The following GRM1 variants were observed in gnomAD, a reference collection of about 807,000 sequenced individuals.
GRM1 encodes metabotropic glutamate receptor 1.
Under a neutral mutation model 90.9 loss-of-function variants are expected in GRM1, and 33 were observed. The observed-to-expected ratio is 0.36, with a 90% CI of 0.28 to 0.49. GRM1 has a LOEUF of 0.49. Among genes scored for constraint, GRM1 ranks in the 20% least tolerant of loss-of-function variants. The pLI is 0.99. For synonymous variants in GRM1, 700 were observed against 613.2 expected, an observed-to-expected ratio of 1.14 and a Z score of -2.09; for missense variants, 1,190 against 1,534.3, an observed-to-expected ratio of 0.78 and a Z score of 3.75.
At chr6:146,358,262 T>TGACATCA (rs1444994323) in intron 5 of GRM1, among the ~76,000 whole-genome samples, 5 of 152,146 alleles carry the variant, frequency 3.3e-5, no homozygotes, top group African/African-American at 4.8e-5. Flanking sequence ...TGAGTAACTA[T>TGACATCA]GACATCAGTA....
At chr6:146,082,220 A>C (rs1393637932) in intron 1 of GRM1, among the ~76,000 whole-genome samples, 2 of 152,092 alleles carry the variant, frequency 1.3e-5, no homozygotes, top group African/African-American at 4.8e-5. Context: ...TGGTGGTGCA[A>C]CCTCGGCTCA....
chr6:146,281,122 A>G (rs984446481), intron 2 of GRM1, among the ~76,000 whole-genome samples: 25 of 152,172 alleles, frequency 1.6e-4, no homozygotes, highest in African/African-American at 5.3e-4. Flanking sequence ...ATTTGGAAGA[A>G]TTATTTTCTC....
chr6:146,289,333 A>G (rs1039201639), intron 2 of GRM1, among the ~76,000 whole-genome samples: 3 of 152,222 alleles, frequency 2.0e-5, no homozygotes, highest in Non-Finnish European at 4.4e-5. Context: ...TTTAACAAAA[A>G]AGATTAAAAA....
intron 1 of GRM1, among the ~76,000 whole-genome samples, chr6:146,121,296 T>C (rs1011860699): frequency 6.6e-6 from 1 of 152,232 alleles, no homozygotes; most frequent in Admixed American, 6.5e-5. Flanking sequence ...CCCTTTATCA[T>C]TTTTTATTGC....
chr6:146,161,817 AT>A, intron 2 of GRM1, among the ~76,000 whole-genome samples: 1 of 152,160 alleles, frequency 6.6e-6, no homozygotes, highest in Non-Finnish European at 1.5e-5. Flanking sequence ...AGCCTTTAAA[AT>A]TTTTTGGCTC....
At chr6:146,183,902 A>G (rs1778632848) in intron 2 of GRM1, among the ~76,000 whole-genome samples, 1 of 152,214 alleles carries the variant, frequency 6.6e-6, no homozygotes, top group African/African-American at 2.4e-5. Context: ...AGATAGGAAC[A>G]CAGCTGAAAA....
intron 7 of GRM1, among the ~76,000 whole-genome samples, chr6:146,402,298 A>AC (rs1209046559): frequency 6.6e-6 from 1 of 152,162 alleles, no homozygotes; most frequent in Non-Finnish European, 1.5e-5. Context: ...CTAACCTTCT[A>AC]CGGAAAACAA....
chr6:146,403,526 T>G (rs372016292), intron 7 of GRM1, among the ~76,000 whole-genome samples: 14 of 151,476 alleles, frequency 9.2e-5, no homozygotes, highest in African/African-American at 2.9e-4. Flanking sequence ...AGTATTTGAG[T>G]TTTTTTTTAA....
At chr6:146,073,949 G>A (rs1277282110) in intron 1 of GRM1, among the ~76,000 whole-genome samples, 1 of 152,092 alleles carries the variant, frequency 6.6e-6, no homozygotes, top group Non-Finnish European at 1.5e-5. Flanking sequence ...TAGAAATATT[G>A]ATCCTAAATA....
At chr6:146,389,826 A>G (rs974113663) in intron 6 of GRM1, among the ~76,000 whole-genome samples, 2 of 151,980 alleles carry the variant, frequency 1.3e-5, no homozygotes, top group Non-Finnish European at 2.9e-5. Flanking sequence ...AATTTATACT[A>G]ATGTCTTAAT....
chr6:146,145,422 A>G (rs1231221981), intron 1 of GRM1, among the ~76,000 whole-genome samples: 2 of 152,158 alleles, frequency 1.3e-5, no homozygotes, highest in Non-Finnish European at 2.9e-5. Flanking sequence ...GACTATCTCT[A>G]TGAGCTAGCT....
intron 3 of GRM1, among the ~76,000 whole-genome samples, chr6:146,337,462 G>T (rs1289095938): frequency 6.6e-6 from 1 of 152,076 alleles, no homozygotes; most frequent in East Asian, 1.9e-4. Context: ...TTCCTAAAAC[G>T]TTCTTTGGAC....
chr6:146,146,227 T>C (rs1263410642), intron 1 of GRM1, among the ~76,000 whole-genome samples: 1 of 141,454 alleles, frequency 7.1e-6, no homozygotes, highest in African/African-American at 2.6e-5. Flanking sequence ...TAGCTGGGAC[T>C]ACAGGCAACC....
intron 5 of GRM1, among the ~76,000 whole-genome samples, chr6:146,380,831 A>G (rs970415075): frequency 2.6e-5 from 4 of 152,128 alleles, no homozygotes; most frequent in Admixed American, 2.0e-4. Flanking sequence ...TTCAGTTAGC[A>G]GGTGATAAAT....
chr6:146,309,948 C>A (rs1783718350), intron 3 of GRM1, among the ~76,000 whole-genome samples: 1 of 152,178 alleles, frequency 6.6e-6, no homozygotes, highest in Non-Finnish European at 1.5e-5. Flanking sequence ...TCCTTATCAG[C>A]CTTTTTCACA....
In GRM1 at chr6:146,061,994, G is replaced by A. The variant is rs573273290; in HGVS notation, c.700+31777G>A. The stretch of plus-strand genomic sequence containing the variant: ...ATTTGACCCAGCAATCCCATTACTG[G>A]GTATATATCCAAAGGATTATAAGTC... On this transcript the variant is annotated intron_variant, in intron 1 of 7. Coordinates refer to ENST00000282753, the MANE Select transcript of GRM1 (RefSeq NM_001278064.2). 1.1e-4 allele frequency among the ~76,000 whole-genome samples: 17 copies of A among 152,112 alleles called. No homozygotes were observed. In the South Asian group the frequency reaches 3.5e-3, roughly 32 times the overall value.
intron 1 of GRM1, among the ~76,000 whole-genome samples, chr6:146,124,320 G>T (rs1776113269): frequency 6.6e-6 from 1 of 152,104 alleles, no homozygotes; most frequent in South Asian, 2.1e-4. Flanking sequence ...ATCAGGACTA[G>T]TTCTATATAA....
chr6:146,128,803 A>G (rs977246782), intron 1 of GRM1, among the ~76,000 whole-genome samples: 1 of 152,146 alleles, frequency 6.6e-6, no homozygotes, highest in African/African-American at 2.4e-5. Flanking sequence ...TCGTTTTAAA[A>G]GAATTGTCTA....
rs566403327 is a variant in GRM1 at position 146,293,618 on chromosome 6, A to G, written c.951-10993A>G. 3.0e-4 allele frequency among the ~76,000 whole-genome samples: 46 copies of G among 152,082 alleles called. No homozygotes were observed. The South Asian group carries it at 3.9e-3, about 13-fold the overall frequency. ...ATTGTTATAATATCCTTAATCGGAA[A>G]GTTATAATATCCTCAGTTGGAGAAT... On this transcript the variant is annotated intron_variant, in intron 2 of 7. Transcript: ENST00000282753.
Sources: gnomAD v4.1 joint callset for allele counts (sites outside exome capture counted in the v4.1 genomes callset) on GRCh38, gnomAD v4.1.1 for gene constraint, MANE v1.5 for transcripts, NCBI Gene and HGNC (gene_info 2026-07-23, HGNC 2026-07-21) for gene names.